The following SFT2D1 variants were observed in gnomAD, a reference collection of about 807,000 sequenced individuals.
SFT2D1 encodes the protein SFT2 domain containing 1.
Under a neutral mutation model 28.1 loss-of-function variants are expected in SFT2D1, and 24 were observed. The ratio of observed to expected loss-of-function variants is 0.85; its 90% CI spans 0.62 to 1.20. The LOEUF (loss-of-function observed/expected upper bound fraction) is 1.20. Among genes scored for constraint, SFT2D1 ranks in the 50% most tolerant of loss-of-function variants. SFT2D1 has a pLI of 0.00. For synonymous variants in SFT2D1, 82 were observed against 73.7 expected (o/e 1.11, Z -0.58); for missense variants, 181 against 190.9 (o/e 0.95, Z 0.31).
At chr6:166,337,982 A>G (rs1778691887) in intron 1 of SFT2D1, among the ~76,000 whole-genome samples, 1 of 152,294 alleles carries the variant, frequency 6.6e-6, no homozygotes, top group East Asian at 1.9e-4. Context: ...CCATGTCAAG[A>G]TATAACCAGA....
intron 4 of SFT2D1, among the ~76,000 whole-genome samples, chr6:166,328,057 C>CA (rs1055936994): frequency 6.6e-6 from 1 of 151,886 alleles, no homozygotes; most frequent in Non-Finnish European, 1.5e-5. Flanking sequence ...CTTGGCCCCC[C>CA]AAAGTGCTGG....
chr6:166,341,543 C>A (rs1326211903), intron 1 of SFT2D1, among the ~76,000 whole-genome samples: 1 of 152,080 alleles, frequency 6.6e-6, no homozygotes, highest in African/African-American at 2.4e-5. Flanking sequence ...GTCTTACACT[C>A]TCTGAACCCA....
At chr6:166,325,902 A>G in intron 5 of SFT2D1, 2 of 571,146 alleles carry the variant, frequency 3.5e-6, no homozygotes, top group Non-Finnish European at 3.2e-6. Context: ...TGGGTGGGTG[A>G]GCATGTGTGC....
At chr6:166,322,749 A>T in intron 7 of SFT2D1, 108 bp downstream of exon 7, 1 of 742,832 alleles carries the variant, frequency 1.3e-6, no homozygotes, top group African/African-American at 5.4e-5. Flanking sequence ...AAATCAACCA[A>T]AAAAAAAGGG....
intron 1 of SFT2D1, among the ~76,000 whole-genome samples, chr6:166,336,204 CT>C (rs1219591110): frequency 6.6e-6 from 1 of 152,068 alleles, no homozygotes; most frequent in East Asian, 1.9e-4. Flanking sequence ...CTACTTGGAA[CT>C]TATTTACACT....
chr6:166,328,713 G>C (rs1411417664), intron 3 of SFT2D1, among the ~76,000 whole-genome samples: 2 of 152,170 alleles, frequency 1.3e-5, no homozygotes, highest in African/African-American at 2.4e-5. Flanking sequence ...CTTCCCCTTG[G>C]GGGATGCATC....
intron 1 of SFT2D1, chr6:166,334,536 T>C (rs1313123214): frequency 1.3e-5 from 2 of 154,016 alleles, no homozygotes; most frequent in Admixed American, 6.5e-5. Flanking sequence ...GAGGTTGCAG[T>C]GAGCCGAGAT....
chr6:166,339,465 G>A lies in SFT2D1; in HGVS notation c.63+2954C>T, dbSNP rs535665452. On this transcript the variant is annotated intron_variant, in intron 1 of 7. Transcript: ENST00000361731. ...TCCTTGGGAAAATGACATGTTCCCCGACCCCACTGCATCCTTCAACTACCA... is the reference window on the plus strand; with the variant it reads ...TCCTTGGGAAAATGACATGTTCCCCAACCCCACTGCATCCTTCAACTACCA... Among the ~76,000 whole-genome samples, 46 of 151,906 alleles carry A rather than the reference G, an allele frequency of 3.0e-4. No individual in the cohort carries two copies. The East Asian group carries it at 3.5e-3, about 11-fold the overall frequency.
At chr6:166,338,194 A>G (rs998867753) in intron 1 of SFT2D1, among the ~76,000 whole-genome samples, 1 of 152,200 alleles carries the variant, frequency 6.6e-6, no homozygotes, top group African/African-American at 2.4e-5. Context: ...GGACTCCCAC[A>G]AGAGAACTCT....
intron 1 of SFT2D1, chr6:166,335,074 C>T: frequency 1.8e-6 from 1 of 563,484 alleles, no homozygotes; most frequent in Non-Finnish European, 3.4e-6. Context: ...TCAGAAATAC[C>T]ATACTGTGAA....
intron 1 of SFT2D1, chr6:166,334,713 G>T: frequency 3.3e-6 from 1 of 301,910 alleles, no homozygotes; most frequent in South Asian, 3.7e-5. Flanking sequence ...AACGCTCGTG[G>T]ACTGTGTAGT....
intron 6 of SFT2D1, chr6:166,323,439 G>A (rs578244946): frequency 1.6e-4 from 24 of 152,412 alleles, no homozygotes; most frequent in African/African-American, 5.5e-4. Context: ...ACTGGGTAAT[G>A]TCGAGTAAGA....
In SFT2D1 at chr6:166,342,539, A is replaced by T; in HGVS notation, c.-58T>A. 7.0e-7 allele frequency: 1 copy of T among 1,430,018 alleles called. No homozygotes were observed. The highest frequency in any genetic ancestry group is 9.6e-7 in the Non-Finnish European group (1 of 1,043,682). 88.6% of individuals were successfully genotyped at this position (1,430,018 alleles called of 1,614,324 possible). A position where few individuals can be genotyped will look rare whatever the true frequency, so the allele number is the denominator to read the frequency against. ...CTGTTGCCTGCCCCTGACGCCCACC[A>T]GGAAACCCCGAACCCGAAACCCCAC... On this transcript the variant is annotated 5_prime_UTR_variant, in exon 1 of 8. Coordinates refer to ENST00000361731, the MANE Select transcript of SFT2D1 (RefSeq NM_145169.3).
chr6:166,325,340 G>C (rs1209111622), intron 5 of SFT2D1, among the ~76,000 whole-genome samples: 3 of 152,058 alleles, frequency 2.0e-5, no homozygotes, highest in Non-Finnish European at 4.4e-5. Flanking sequence ...CTTTAAAATG[G>C]GACTTTTCTT....
In SFT2D1 at chr6:166,320,205, A is replaced by G; in HGVS notation, c.*12T>C. ...CAACATTCAAGTGCTCTTTTCCACA[A>G]GTTTCTGATTTTCAACTTAGGAGAG... On this transcript the variant is annotated 3_prime_UTR_variant, in exon 8 of 8. Transcript: ENST00000361731. 2.5e-6 allele frequency: 4 copies of G among 1,610,568 alleles called. No homozygotes were observed. The highest frequency in any genetic ancestry group is 2.5e-6 in the Non-Finnish European group (3 of 1,178,724).
chr6:166,339,275 G>A (rs1267406632), intron 1 of SFT2D1, among the ~76,000 whole-genome samples: 1 of 152,068 alleles, frequency 6.6e-6, no homozygotes, highest in Non-Finnish European at 1.5e-5. Context: ...CAGTGAGCTA[G>A]GTGTCTGCCC....
rs1385653962 is a variant in SFT2D1 at position 166,324,597 on chromosome 6, T to C, written c.352-2A>G. The C allele has an allele frequency of 1.9e-6, 3 of 1,611,866 alleles. No homozygotes were observed. The highest frequency in any genetic ancestry group is 2.5e-6 in the Non-Finnish European group (3 of 1,179,542). On this transcript the variant is annotated splice_acceptor_variant, in intron 5 of 7. Coordinates refer to ENST00000361731, the MANE Select transcript of SFT2D1 (RefSeq NM_145169.3). LOFTEE classifies it high-confidence loss of function. ...CACAGCCAGTCCCTTCTTATGCCAC[T>C]AACAACAGCAAAAACAGAGCAATTA...
At chr6:166,323,556 G>C (rs2114890772) in intron 6 of SFT2D1, 1 of 152,380 alleles carries the variant, frequency 6.6e-6, no homozygotes, top group Non-Finnish European at 1.5e-5. Flanking sequence ...AGGAGCTGCA[G>C]GGCACGTTTA....
At chr6:166,324,874 C>T (rs914602531) in intron 5 of SFT2D1, among the ~76,000 whole-genome samples, 2 of 152,118 alleles carry the variant, frequency 1.3e-5, no homozygotes, top group African/African-American at 2.4e-5. Flanking sequence ...AAACATTAGA[C>T]TTTTAAAGGT....
Sources: allele counts gnomAD v4.1 joint callset (sites outside exome capture counted in the v4.1 genomes callset), GRCh38; gene constraint gnomAD v4.1.1; transcripts MANE v1.5; gene names NCBI Gene and HGNC (gene_info 2026-07-23, HGNC 2026-07-21).